Variants in CYP19A1 observed in about 807,000 individuals in gnomAD.
CYP19A1 encodes the protein aromatase.
CYP19A1 carries 32 observed loss-of-function variants against 44.4 expected under a neutral mutation model. The ratio of observed to expected loss-of-function variants is 0.72; its 90% CI spans 0.54 to 0.97. The LOEUF (loss-of-function observed/expected upper bound fraction) is 0.97, where lower values mean the gene tolerates loss of function less well. CYP19A1 is among the 50% of genes least tolerant of loss of function. The pLI is 0.00. For synonymous variants in CYP19A1, 212 were observed against 215.6 expected, an observed-to-expected ratio of 0.98 and a Z score of 0.14; for missense variants, 598 against 637.8, an observed-to-expected ratio of 0.94 and a Z score of 0.67.
intron 3 of CYP19A1, among the ~76,000 whole-genome samples, chr15:51,231,447 C>T (rs1009327118): frequency 3.3e-5 from 5 of 152,032 alleles, no homozygotes; most frequent in African/African-American, 1.2e-4. Context: ...GAAAAAATTA[C>T]TGTCAATCAT....
chr15:51,222,832 A>G (rs2032229679), intron 4 of CYP19A1, among the ~76,000 whole-genome samples: 1 of 152,174 alleles, frequency 6.6e-6, no homozygotes, highest in Admixed American at 6.5e-5. Flanking sequence ...CAAATGAAAC[A>G]TTTAGTACTT....
chr15:51,249,236 C>T (rs576763139), intron 1 of CYP19A1, among the ~76,000 whole-genome samples: 2 of 152,206 alleles, frequency 1.3e-5, no homozygotes, highest in Admixed American at 6.5e-5. Context: ...CCACCATGTC[C>T]GACCCCAAAT....
intron 1 of CYP19A1, chr15:51,337,975 C>T (rs778582811): frequency 8.5e-5 from 13 of 152,274 alleles, no homozygotes; most frequent in Non-Finnish European, 1.8e-4. Context: ...AGAGCAATAT[C>T]CCAGGCTTTC....
intron 1 of CYP19A1, among the ~76,000 whole-genome samples, chr15:51,268,092 C>G (rs2034994660): frequency 1.3e-5 from 2 of 152,254 alleles, no homozygotes; most frequent in South Asian, 4.1e-4. Context: ...CCACCCTCCC[C>G]CATCCCATTT....
intron 1 of CYP19A1, among the ~76,000 whole-genome samples, chr15:51,253,324 G>A (rs1226959113): frequency 6.6e-6 from 1 of 152,210 alleles, no homozygotes; most frequent in Non-Finnish European, 1.5e-5. Context: ...TGGGGTAGCT[G>A]GAAGGAACAG....
intron 1 of CYP19A1, among the ~76,000 whole-genome samples, chr15:51,304,495 C>G (rs1171987026): frequency 6.6e-6 from 1 of 152,140 alleles, no homozygotes; most frequent in Admixed American, 6.5e-5. Flanking sequence ...TTTTCCAACC[C>G]AAGCCCACTC....
At chr15:51,295,427 C>G (rs532288306) in intron 1 of CYP19A1, among the ~76,000 whole-genome samples, 1 of 152,238 alleles carries the variant, frequency 6.6e-6, no homozygotes, top group East Asian at 1.9e-4. Context: ...GGAGTTACTG[C>G]CAGATTGCCT....
intron 2 of CYP19A1, among the ~76,000 whole-genome samples, chr15:51,241,440 T>TG (rs1217229491): frequency 1.3e-5 from 2 of 152,238 alleles, no homozygotes; most frequent in East Asian, 3.9e-4. Context: ...CAATGCTGCG[T>TG]GGGCAATGCT....
chr15:51,327,592 A>G (rs1238960065), intron 1 of CYP19A1, among the ~76,000 whole-genome samples: 1 of 151,752 alleles, frequency 6.6e-6, no homozygotes, highest in Non-Finnish European at 1.5e-5. Context: ...AGCGATTCTC[A>G]AGGATCCAGT....
intron 1 of CYP19A1, among the ~76,000 whole-genome samples, chr15:51,283,912 A>G (rs962188880): frequency 6.6e-6 from 1 of 152,126 alleles, no homozygotes; most frequent in African/African-American, 2.4e-5. Flanking sequence ...CACAATTACC[A>G]TCTCCCTGTT....
intron 9 of CYP19A1, 111 bp from the exon 10 acceptor site, chr15:51,211,167 C>T (rs1010885056): frequency 2.7e-6 from 2 of 748,836 alleles, no homozygotes; most frequent in Non-Finnish European, 4.8e-6. Flanking sequence ...TTGGGGTTAT[C>T]AGCTACAATG....
intron 1 of CYP19A1, among the ~76,000 whole-genome samples, chr15:51,329,228 T>C (rs1246286895): frequency 6.6e-6 from 1 of 152,120 alleles, no homozygotes; most frequent in African/African-American, 2.4e-5. Context: ...GCCGAGCTCT[T>C]GGCCACAACA....
chr15:51,248,136 G>T (rs1291528161), intron 1 of CYP19A1, among the ~76,000 whole-genome samples: 1 of 152,072 alleles, frequency 6.6e-6, no homozygotes, highest in African/African-American at 2.4e-5. Flanking sequence ...TCCTCTCTTG[G>T]CAGTCCCAAG....
rs1420594454 is a variant in CYP19A1, at chr15:51,292,286, C to T, written c.-39+46209G>A. ...GAACAGACTACACTTTAGTGGCAAC[C>T]GTTTTATAATGTTTCTCCTTTCAGC... On this transcript the variant is annotated intron_variant, in intron 1 of 9. Transcript: ENST00000396402. Among the ~76,000 whole-genome samples, 7 of 152,262 alleles carry T rather than the reference C, an allele frequency of 4.6e-5. No homozygotes were observed. The South Asian group carries it at 1.2e-3, about 27-fold the overall frequency.
chr15:51,246,579 A>G (rs1313419942), intron 1 of CYP19A1, among the ~76,000 whole-genome samples: 1 of 151,998 alleles, frequency 6.6e-6, no homozygotes, highest in Non-Finnish European at 1.5e-5. Flanking sequence ...CAGGGCAAAA[A>G]CCTCTGGGGA....
intron 1 of CYP19A1, among the ~76,000 whole-genome samples, chr15:51,306,896 GAGA>G (rs1286235567): frequency 1.3e-5 from 2 of 152,240 alleles, no homozygotes; most frequent in Non-Finnish European, 2.9e-5. Flanking sequence ...GGTGAGGAAT[GAGA>G]AGAAGAGAAC....
chr15:51,237,574 A>C (rs2033486270), intron 2 of CYP19A1, among the ~76,000 whole-genome samples: 1 of 152,346 alleles, frequency 6.6e-6, no homozygotes, highest in African/African-American at 2.4e-5. Context: ...ACCCTCAAAA[A>C]AGACTCCGTT....
At chr15:51,301,792 T>C (rs28757108) in intron 1 of CYP19A1, among the ~76,000 whole-genome samples, 1,933 of 152,282 alleles carry the variant, frequency 0.013, 41 homozygotes, top group African/African-American at 0.044. Flanking sequence ...AAATACTGGT[T>C]ATGCTGGGAT....
chr15:51,260,494 G>A (rs950221368), intron 1 of CYP19A1, among the ~76,000 whole-genome samples: 2 of 152,198 alleles, frequency 1.3e-5, no homozygotes, highest in Admixed American at 6.5e-5. Flanking sequence ...AGATTACCAC[G>A]GGTTTTCGGG....
Sources: gnomAD v4.1 joint callset for allele counts (sites outside exome capture counted in the v4.1 genomes callset) on GRCh38, gnomAD v4.1.1 for gene constraint, MANE v1.5 for transcripts, NCBI Gene and HGNC (gene_info 2026-07-23, HGNC 2026-07-21) for gene names.